Variants in NRG1 observed in about 807,000 individuals in gnomAD.
The protein encoded by NRG1 is neuregulin 1.
Under a neutral mutation model 63.8 loss-of-function variants are expected in NRG1, and 18 were observed. The ratio of observed to expected loss-of-function variants is 0.28; its 90% CI spans 0.19 to 0.42. The LOEUF (loss-of-function observed/expected upper bound fraction) is 0.42. NRG1 is among the 10% of genes least tolerant of loss of function. The pLI is 1.00. For missense variants in NRG1, 762 were observed against 814.7 expected (o/e 0.94, Z 0.79); for synonymous variants, 302 against 301.3 (o/e 1.00, Z -0.02).
At chr8:32,676,451 A>G (rs562687863) in intron 5 of NRG1, among the ~76,000 whole-genome samples, 1 of 152,300 alleles carries the variant, frequency 6.6e-6, no homozygotes, top group African/African-American at 2.4e-5. Context: ...TCTCAATATG[A>G]CAGAAGTTTG....
chr8:32,389,905 G>A (rs1315582716), intron 1 of NRG1, among the ~76,000 whole-genome samples: 1 of 152,022 alleles, frequency 6.6e-6, no homozygotes, highest in Non-Finnish European at 1.5e-5. Flanking sequence ...GGTTACAGGT[G>A]CATGCCACCA....
At chr8:32,203,835 A>T (rs1166627120) in intron 1 of NRG1, among the ~76,000 whole-genome samples, 5 of 152,190 alleles carry the variant, frequency 3.3e-5, no homozygotes, top group Non-Finnish European at 7.3e-5. Context: ...AGAATCAGCA[A>T]CTAGGAAGAG....
chr8:31,889,938 T>C (rs1384455064), intron 1 of NRG1, among the ~76,000 whole-genome samples: 2 of 152,064 alleles, frequency 1.3e-5, no homozygotes, highest in African/African-American at 4.8e-5. Context: ...ATAATTAATA[T>C]GTATATAAAG....
chr8:31,860,343 A>G (rs1828359401), intron 1 of NRG1, among the ~76,000 whole-genome samples: 1 of 152,200 alleles, frequency 6.6e-6, no homozygotes, highest in East Asian at 1.9e-4. Flanking sequence ...AGTAACAACA[A>G]TTTATAATAG....
chr8:31,855,995 T>A (rs1286730846), intron 1 of NRG1, among the ~76,000 whole-genome samples: 1 of 151,488 alleles, frequency 6.6e-6, no homozygotes, highest in Non-Finnish European at 1.5e-5. Context: ...GTTAGTCTGA[T>A]GGGCTTCCCT....
intron 1 of NRG1, among the ~76,000 whole-genome samples, chr8:32,018,326 A>G (rs2130137541): frequency 6.6e-6 from 1 of 152,322 alleles, no homozygotes; most frequent in Admixed American, 6.5e-5. Flanking sequence ...CAAGTGTTCA[A>G]CTGAAAGGTA....
intron 1 of NRG1, among the ~76,000 whole-genome samples, chr8:32,420,917 G>A (rs1816633899): frequency 6.6e-6 from 1 of 152,064 alleles, no homozygotes; most frequent in African/African-American, 2.4e-5. Context: ...GAGTTCTCAG[G>A]AGATCTGATG....
intron 1 of NRG1, among the ~76,000 whole-genome samples, chr8:31,864,775 T>A (rs1828802652): frequency 1.3e-5 from 2 of 152,112 alleles, no homozygotes; most frequent in South Asian, 4.1e-4. Flanking sequence ...CACATGCATT[T>A]TGAAGAATCT....
chr8:31,831,249 A>G (rs980977880), intron 1 of NRG1, among the ~76,000 whole-genome samples: 1 of 151,938 alleles, frequency 6.6e-6, no homozygotes, highest in African/African-American at 2.4e-5. Flanking sequence ...TTACAGGCAC[A>G]CACCACCATG....
chr8:32,661,562 TA>T (rs1802855768), intron 5 of NRG1, among the ~76,000 whole-genome samples: 1 of 151,728 alleles, frequency 6.6e-6, no homozygotes. Flanking sequence ...GGGTCTTAAA[TA>T]CATGCAGCTA....
intron 1 of NRG1, among the ~76,000 whole-genome samples, chr8:32,155,670 G>T (rs1164828486): frequency 6.6e-6 from 1 of 152,106 alleles, no homozygotes; most frequent in African/African-American, 2.4e-5. Flanking sequence ...TTTTATGTAA[G>T]CTGTTCTAAT....
At chr8:32,540,815 G>A (rs1340152185) in intron 1 of NRG1, among the ~76,000 whole-genome samples, 2 of 152,182 alleles carry the variant, frequency 1.3e-5, no homozygotes, top group East Asian at 3.9e-4. Context: ...TGCACCTATG[G>A]GAAAGAGTTG....
At chr8:32,178,287 G>A (rs534410404) in intron 1 of NRG1, among the ~76,000 whole-genome samples, 3 of 152,204 alleles carry the variant, frequency 2.0e-5, no homozygotes, top group Non-Finnish European at 4.4e-5. Flanking sequence ...GAAGGTCAAG[G>A]ACAACTTAGG....
chr8:31,871,026 G>A (rs1401521180), intron 1 of NRG1, among the ~76,000 whole-genome samples: 4 of 147,620 alleles, frequency 2.7e-5, no homozygotes, highest in Non-Finnish European at 6.0e-5. Flanking sequence ...TTTTTGAGAC[G>A]GAGTCTCACT....
chr8:32,742,225 T>C lies in NRG1; in HGVS notation c.633-450T>C. ...GGCATAAACCCATTCAGTGTTACCT[T>C]ATTTAACTGTCTCTCAAAGTGGGTC... On this transcript the variant is annotated intron_variant, in intron 6 of 11. Transcript: ENST00000356819. The surrounding 1 kb of genome is among the most constrained non-coding windows in gnomAD (Gnocchi z 4.2). The C allele has an allele frequency of 6.0e-6, 4 of 669,434 alleles. No homozygotes were observed. The East Asian group carries it at 1.1e-4, about 18-fold the overall frequency. The allele number at this position is 669,434 out of a possible 1,614,324, so 41.5% of individuals were successfully genotyped here.
chr8:32,249,486 C>T (rs1393907764), intron 1 of NRG1, among the ~76,000 whole-genome samples: 1 of 152,076 alleles, frequency 6.6e-6, no homozygotes, highest in Non-Finnish European at 1.5e-5. Flanking sequence ...AACAGACAAA[C>T]AGAAAAGCGT....
intron 1 of NRG1, among the ~76,000 whole-genome samples, chr8:32,216,003 T>C (rs1323763217): frequency 6.6e-6 from 1 of 151,396 alleles, no homozygotes; most frequent in Non-Finnish European, 1.5e-5. Context: ...ATCATGCCAC[T>C]GCACTCCAGC....
At chr8:32,586,707 T>C (rs1403576352) in intron 1 of NRG1, among the ~76,000 whole-genome samples, 1 of 152,176 alleles carries the variant, frequency 6.6e-6, no homozygotes, top group African/African-American at 2.4e-5. Flanking sequence ...AGTTCCCCTA[T>C]CAGTTTCCAT....
intron 1 of NRG1, among the ~76,000 whole-genome samples, chr8:32,450,526 C>T (rs1046171833): frequency 6.6e-6 from 1 of 152,130 alleles, no homozygotes; most frequent in African/African-American, 2.4e-5. Context: ...AACAATCCTC[C>T]CACCTCAGCC....
Sources: gnomAD v4.1 joint callset for allele counts (sites outside exome capture counted in the v4.1 genomes callset) on GRCh38, gnomAD v4.1.1 for gene constraint, Gnocchi (gnomAD v3.1) non-coding constraint, MANE v1.5 for transcripts, NCBI Gene and HGNC (gene_info 2026-07-23, HGNC 2026-07-21) for gene names.